The following TMEM92 variants were observed in gnomAD, a reference collection of about 807,000 sequenced individuals.
TMEM92 encodes transmembrane protein 92.
TMEM92 carries 15 observed loss-of-function variants against 14.6 expected under a neutral mutation model. The ratio of observed to expected loss-of-function variants is 1.03; its 90% CI spans 0.69 to 1.58. TMEM92 has a LOEUF of 1.58. TMEM92 is among the 40% of genes most tolerant of loss of function. The probability of loss-of-function intolerance (pLI) is 0.00; values close to 1 mark genes in which losing one functional copy is unlikely to be tolerated. For synonymous variants in TMEM92, 85 were observed against 83.3 expected, an observed-to-expected ratio of 1.02 and a Z score of -0.11; for missense variants, 174 against 202.4, an observed-to-expected ratio of 0.86 and a Z score of 0.85.
In TMEM92 at chr17:50,279,010, C is replaced by A; in HGVS notation, c.366+14C>A. On this transcript the variant is annotated intron_variant, in intron 4 of 4. Transcript: ENST00000507382. ...CCCTACAGTGAGGTGGGTGTCTCAT[C>A]CCCATCCCCACCTTGCCTCTGGCCG... 6.4e-7 allele frequency: 1 copy of A among 1,559,938 alleles called. No homozygotes were observed. Among genetic ancestry groups the A allele is most frequent in the Non-Finnish European group, 8.8e-7 (1 of 1,135,458 alleles).
intron 2 of TMEM92, 72 bp downstream of exon 2, chr17:50,277,812 TGGG>T: frequency 1.3e-6 from 2 of 1,589,598 alleles, no homozygotes; most frequent in Admixed American, 3.4e-5. Context: ...CTGCATGCCT[TGGG>T]GGGTGTGGGA....
chr17:50,276,871 G>A (rs1415948329), intron 1 of TMEM92, among the ~76,000 whole-genome samples: 1 of 152,242 alleles, frequency 6.6e-6, no homozygotes, highest in East Asian at 1.9e-4. Context: ...GACAAGAGGT[G>A]TGGAGAAAAG....
chr17:50,272,593 A>G (rs1237857992), upstream of TMEM92, among the ~76,000 whole-genome samples: 1 of 152,154 alleles, frequency 6.6e-6, no homozygotes, highest in African/African-American at 2.4e-5. Flanking sequence ...CCCTTCTCCA[A>G]GCTCACAGTC....
At chr17:50,276,233 C>G (rs1910428337) in intron 1 of TMEM92, among the ~76,000 whole-genome samples, 1 of 152,198 alleles carries the variant, frequency 6.6e-6, no homozygotes, top group Admixed American at 6.5e-5. Context: ...CCACCCACCT[C>G]AGCCTCCCAA....
chr17:50,274,512 C>T lies in TMEM92; in HGVS notation c.11C>T (p.Ala4Val). 2 of 1,614,020 alleles carry T rather than the reference C, an allele frequency of 1.2e-6. No individual in the cohort carries two copies. Among genetic ancestry groups the T allele is most frequent in the African/African-American group, 1.3e-5 (1 of 75,060 alleles). Residue 4 changes from alanine to valine, a missense_variant, in exon 1 of 5, where the codon GCT (alanine) becomes GTT (valine). Physicochemically the swap from Ala to Val is moderately conservative, Grantham distance 64. Coordinates refer to ENST00000507382, the MANE Select transcript of TMEM92 (RefSeq NM_153229.3). ...GGCCCCCAAGCCAGGATGTCCCAAG[C>T]TTGGGTCCCCGGCCTCGCGCCCACC... MSQ[A>V]WVPGLAPTLL...
chr17:50,279,656 C>A lies in TMEM92; in HGVS notation c.*348C>A, dbSNP rs1218631472. ...ATGCAAATCTTGACTGGACAGCCAG[C>A]TCTGAGATTTTATCAGGGCACTTCT... On this transcript the variant is annotated 3_prime_UTR_variant, in exon 5 of 5. Coordinates refer to ENST00000507382, the MANE Select transcript of TMEM92 (RefSeq NM_153229.3). 9.6e-6 allele frequency: 3 copies of A among 312,250 alleles called. No homozygotes were observed. Among genetic ancestry groups the A allele is most frequent in the African/African-American group, 2.3e-5 (1 of 43,700 alleles). The allele number at this position is 312,250 out of a possible 1,614,324, so 19.3% of individuals were successfully genotyped here. A position where few individuals can be genotyped will look rare whatever the true frequency, so the allele number is the denominator to read the frequency against.
chr17:50,277,068 G>A (rs1567787983), intron 1 of TMEM92, among the ~76,000 whole-genome samples: 1 of 152,166 alleles, frequency 6.6e-6, no homozygotes, highest in Non-Finnish European at 1.5e-5. Flanking sequence ...TGGTACAGAA[G>A]AGGGGGAAGC....
chr17:50,272,190 T>A (rs1001618239), upstream of TMEM92, among the ~76,000 whole-genome samples: 1 of 151,378 alleles, frequency 6.6e-6, no homozygotes, highest in African/African-American at 2.4e-5. Context: ...CTCCCCCTCC[T>A]CCTGCCCCTC....
At chr17:50,277,862 C>A in intron 2 of TMEM92, 122 bp downstream of exon 2, 1 of 1,263,498 alleles carries the variant, frequency 7.9e-7, no homozygotes, top group Non-Finnish European at 1.1e-6. Context: ...CCCAATCCAG[C>A]CAGAAACTGT....
At chr17:50,277,682 A>G in intron 1 of TMEM92, 33 bp from the exon 2 acceptor site, 1 of 1,613,354 alleles carries the variant, frequency 6.2e-7, no homozygotes, top group Non-Finnish European at 8.5e-7. Context: ...CCAGTTTATG[A>G]CCCTGACCCC....
upstream of TMEM92, among the ~76,000 whole-genome samples, chr17:50,273,467 C>T (rs1289419660): frequency 6.6e-6 from 1 of 152,246 alleles, no homozygotes; most frequent in Non-Finnish European, 1.5e-5. Flanking sequence ...GCCCGCGCCC[C>T]GGCGGGCCTG....
chr17:50,276,797 T>G (rs1056463207), intron 1 of TMEM92, among the ~76,000 whole-genome samples: 1 of 152,238 alleles, frequency 6.6e-6, no homozygotes, highest in Non-Finnish European at 1.5e-5. Context: ...CTCGCGGAGT[T>G]TGCCTTTTAC....
intron 2 of TMEM92, 101 bp from the exon 3 acceptor site, chr17:50,278,455 C>A: frequency 1.5e-6 from 2 of 1,370,456 alleles, no homozygotes; most frequent in Non-Finnish European, 2.0e-6. Context: ...TGGCTTGTGC[C>A]ATGAGCATCT....
At chr17:50,273,456 C>T (rs1910319201), upstream of TMEM92, among the ~76,000 whole-genome samples, 1 of 152,242 alleles carries the variant, frequency 6.6e-6, no homozygotes, top group Non-Finnish European at 1.5e-5. Context: ...TGGGCCTGCT[C>T]GCCCGCGCCC....
At chr17:50,274,126 C>A (rs1348592127), upstream of TMEM92, among the ~76,000 whole-genome samples, 1 of 151,454 alleles carries the variant, frequency 6.6e-6, no homozygotes, top group Non-Finnish European at 1.5e-5. Context: ...TTACAGGCAC[C>A]CGCCACCACG....
At chr17:50,273,079 G>A (rs918302577), upstream of TMEM92, among the ~76,000 whole-genome samples, 1 of 152,160 alleles carries the variant, frequency 6.6e-6, no homozygotes, top group Non-Finnish European at 1.5e-5. Flanking sequence ...GACGTCGGGG[G>A]TGTTTTTCAG....
intron 1 of TMEM92, chr17:50,274,809 C>G: frequency 1.8e-6 from 1 of 555,434 alleles, no homozygotes; most frequent in South Asian, 2.2e-5. Flanking sequence ...TGGCCACCAC[C>G]CACCACCTTA....
intron 1 of TMEM92, chr17:50,275,062 T>C (rs1056824487): frequency 2.6e-5 from 4 of 152,940 alleles, no homozygotes; most frequent in African/African-American, 9.7e-5. Flanking sequence ...TCCCAGCCTG[T>C]GGTGGGATTT....
At position 50,280,294 on chromosome 17, in the gene TMEM92, G is replaced by C. The variant is rs1443053588; in HGVS notation, c.*986G>C. On this transcript the variant is annotated 3_prime_UTR_variant, in exon 5 of 5. Transcript: ENST00000507382. ...TGGGCATCCGTGGAGTGGGGCTTTA[G>C]GAGACCTTGAACGGCCCCACCCTGG... The C allele has an allele frequency of 6.6e-6, 1 of 152,204 alleles. No individual in the cohort carries two copies. Among genetic ancestry groups the C allele is most frequent in the African/African-American group, 2.4e-5 (1 of 41,436 alleles). The allele number at this position is 152,204 out of a possible 1,614,324, so 9.4% of individuals were successfully genotyped here.
Sources: allele counts gnomAD v4.1 joint callset (sites outside exome capture counted in the v4.1 genomes callset), GRCh38; gene constraint gnomAD v4.1.1; transcripts MANE v1.5; gene names NCBI Gene and HGNC (gene_info 2026-07-23, HGNC 2026-07-21).